MTA3: variants seen among roughly 807,000 people sequenced by gnomAD.
MTA3 encodes metastasis-associated protein MTA3.
Under a neutral mutation model 83.5 loss-of-function variants are expected in MTA3, and 34 were observed. The ratio of observed to expected loss-of-function variants is 0.41; its 90% CI spans 0.31 to 0.54. MTA3 has a LOEUF of 0.54. Ranked by LOEUF, MTA3 falls within the 20% of genes least tolerant of loss-of-function variation. MTA3 has a pLI of 0.33. For synonymous variants in MTA3, 303 were observed against 252.7 expected (o/e 1.20, Z -1.89); for missense variants, 761 against 726.4 (o/e 1.05, Z -0.55).
intron 3 of MTA3, among the ~76,000 whole-genome samples, chr2:42,592,581 CT>C (rs1558470038): frequency 1.3e-5 from 2 of 152,096 alleles, no homozygotes; most frequent in African/African-American, 4.8e-5. Context: ...GAGACCCTGT[CT>C]CAAAAAAATT....
chr2:42,532,501 C>T (rs919459582), intron 2 of MTA3, among the ~76,000 whole-genome samples: 2 of 152,110 alleles, frequency 1.3e-5, no homozygotes, highest in African/African-American at 4.8e-5. Flanking sequence ...CACAGTGAGA[C>T]GCCATCTCAA....
intron 2 of MTA3, among the ~76,000 whole-genome samples, chr2:42,558,484 A>G (rs1266402543): frequency 6.6e-6 from 1 of 151,916 alleles, no homozygotes; most frequent in Non-Finnish European, 1.5e-5. Flanking sequence ...TCCCGACCTC[A>G]GGCCATCTGC....
rs11362156 is a variant in MTA3, at chr2:42,533,831, C to CA, written c.-140-36588dup. On this transcript the variant is annotated intron_variant, in intron 2 of 17. Transcript: ENST00000405592. The stretch of plus-strand genomic sequence containing the variant: ...TGGGTGACAGAGCGAGACTCCGTCT[C>CA]AAAAAAAAAAAAAAAAAAGGAAAAT... Among the ~76,000 whole-genome samples, 134 of 114,814 alleles carry CA rather than the reference C, an allele frequency of 1.2e-3. 1 individual carries two copies. Among genetic ancestry groups the CA allele is most frequent in the Admixed American group, 3.2e-3 (35 of 10,804 alleles). 75.3% of individuals were successfully genotyped at this position (114,814 alleles called of 152,430 possible). A position where few individuals can be genotyped will look rare whatever the true frequency, so the allele number is the denominator to read the frequency against.
chr2:42,600,155 G>A (rs1028492280), intron 3 of MTA3, among the ~76,000 whole-genome samples: 14 of 152,048 alleles, frequency 9.2e-5, no homozygotes, highest in Admixed American at 7.9e-4. Flanking sequence ...CCAAGGTCGC[G>A]CCACTGCACT....
chr2:42,753,336 A>G, intron 16 of MTA3, 38 bp from the exon 17 acceptor site: 1 of 1,550,116 alleles, frequency 6.5e-7, no homozygotes, highest in Non-Finnish European at 8.7e-7. Flanking sequence ...CACCATCGGG[A>G]CTTGTTTAAC....
chr2:42,675,594 C>T (rs908823161), intron 8 of MTA3, among the ~76,000 whole-genome samples: 2 of 152,108 alleles, frequency 1.3e-5, no homozygotes, highest in Admixed American at 1.3e-4. Flanking sequence ...AACAGCTTCC[C>T]TTCTGCTCCT....
rs1670213976 is a variant in MTA3 at position 42,756,010 on chromosome 2, C to T, written c.*2611C>T. The T allele has an allele frequency of 1.0e-6, 1 of 985,296 alleles. No individual in the cohort carries two copies. The highest frequency in any genetic ancestry group is 1.7e-5 in the African/African-American group (1 of 57,254). The allele number at this position is 985,296 out of a possible 1,614,324, so 61.0% of individuals were successfully genotyped here. ...TGTGCACAGCCCAGTTTCCATCTCT[C>T]AGGGCCCACCCAGGAAAATGGATTT... On this transcript the variant is annotated 3_prime_UTR_variant, in exon 17 of 17. Transcript: ENST00000405094.
At chr2:42,660,905 T>C (rs11687926) in intron 8 of MTA3, among the ~76,000 whole-genome samples, 1 of 152,162 alleles carries the variant, frequency 6.6e-6, no homozygotes, top group Non-Finnish European at 1.5e-5. Flanking sequence ...GGTCTTGAAC[T>C]CCTCCTGGCT....
intron 2 of MTA3, among the ~76,000 whole-genome samples, chr2:42,510,700 C>T (rs553908656): frequency 2.6e-4 from 39 of 152,228 alleles, no homozygotes; most frequent in Middle Eastern, 3.4e-3. Flanking sequence ...GATTGACATC[C>T]CTGATATCCA....
chr2:42,539,853 A>T (rs112832893), intron 2 of MTA3, among the ~76,000 whole-genome samples: 5,588 of 152,220 alleles, frequency 0.037, 130 homozygotes, highest in Middle Eastern at 0.082. Flanking sequence ...GGTTATAGGC[A>T]TGAGCCACCA....
chr2:42,544,274 C>T (rs1445939244), intron 2 of MTA3, among the ~76,000 whole-genome samples: 1 of 151,876 alleles, frequency 6.6e-6, no homozygotes, highest in Non-Finnish European at 1.5e-5. Context: ...AGTGAAACCT[C>T]GTCTCTACTA....
chr2:42,649,569 G>C (rs146725219), intron 6 of MTA3, among the ~76,000 whole-genome samples: 1 of 152,202 alleles, frequency 6.6e-6, no homozygotes, highest in Non-Finnish European at 1.5e-5. Context: ...AATTGTGTCA[G>C]TTCATATGTG....
chr2:42,693,572 A>G (rs73930454), intron 9 of MTA3, among the ~76,000 whole-genome samples: 1,974 of 152,138 alleles, frequency 0.013, 44 homozygotes, highest in African/African-American at 0.044. Context: ...TCCAATGTAC[A>G]CTTAAAGCCC....
At chr2:42,709,873 C>G (rs1558607884) in intron 14 of MTA3, among the ~76,000 whole-genome samples, 1 of 152,120 alleles carries the variant, frequency 6.6e-6, no homozygotes, top group Non-Finnish European at 1.5e-5. Context: ...TCTTGCTTAT[C>G]TTTTTTATTT....
intron 16 of MTA3, among the ~76,000 whole-genome samples, chr2:42,732,921 C>A (rs1033921042): frequency 6.6e-6 from 1 of 152,184 alleles, no homozygotes; most frequent in Non-Finnish European, 1.5e-5. Flanking sequence ...CACCTGAGAC[C>A]ACCTCAGCCT....
At chr2:42,626,980 A>ACC (rs1686170042) in intron 4 of MTA3, among the ~76,000 whole-genome samples, 1 of 152,088 alleles carries the variant, frequency 6.6e-6, no homozygotes, top group South Asian at 2.1e-4. Flanking sequence ...ACCTCAGGTG[A>ACC]TCTGCCTGTC....
Position 42,704,199 on chromosome 2 carries a change from A to G in MTA3, c.1031A>G (p.Lys344Arg). The stretch of plus-strand genomic sequence containing the variant: ...TATTTTAATTTCATTGAAAGCAGCA[A>G]ACCAAATCCCAACCAAATATCCACT... ...LKQVYIPTYS[K>R]PNPNQISTSN... is the part of the protein sequence containing the mutation. The change falls in exon 12 of 17, where the codon AAA becomes AGA. Residue 344 changes from lysine (K) to arginine (R), a missense_variant. By Grantham distance (26) the Lys-to-Arg change is conservative. Transcript: ENST00000405094. 6.2e-7 allele frequency: 1 copy of G among 1,613,824 alleles called. No homozygotes were observed. The highest frequency in any genetic ancestry group is 8.5e-7 in the Non-Finnish European group (1 of 1,179,786).
intron 4 of MTA3, among the ~76,000 whole-genome samples, chr2:42,611,736 A>C (rs1480890605): frequency 6.6e-6 from 1 of 152,142 alleles, no homozygotes; most frequent in Non-Finnish European, 1.5e-5. Context: ...GGATTGCTTA[A>C]GCCAGAAGTT....
At chr2:42,530,100 G>C (rs890392456) in intron 2 of MTA3, among the ~76,000 whole-genome samples, 1 of 151,682 alleles carries the variant, frequency 6.6e-6, no homozygotes, top group Admixed American at 6.6e-5. Context: ...CAGGAGAATA[G>C]CTTGAAACCG....
Sources: allele counts gnomAD v4.1 joint callset (sites outside exome capture counted in the v4.1 genomes callset), GRCh38; gene constraint gnomAD v4.1.1; transcripts MANE v1.5; gene names NCBI Gene and HGNC (gene_info 2026-07-23, HGNC 2026-07-21).